SPAG16: variants seen among roughly 807,000 people sequenced by gnomAD.
SPAG16 encodes sperm associated antigen 16.
In SPAG16, 86 loss-of-function variants were observed where a neutral mutation model predicts 80.4. The ratio of observed to expected loss-of-function variants is 1.07; its 90% CI spans 0.90 to 1.28. The LOEUF is 1.28. Ranked by LOEUF, SPAG16 falls within the 50% of genes most tolerant of loss-of-function variation. The probability of loss-of-function intolerance (pLI) is 0.00; values close to 1 mark genes in which losing one functional copy is unlikely to be tolerated. For synonymous variants in SPAG16, 294 were observed against 265.9 expected, an observed-to-expected ratio of 1.11 and a Z score of -1.03; for missense variants, 870 against 765.3, an observed-to-expected ratio of 1.14 and a Z score of -1.61.
chr2:213,805,852 G>A (rs1484530425), intron 10 of SPAG16, among the ~76,000 whole-genome samples: 1 of 152,140 alleles, frequency 6.6e-6, no homozygotes, highest in Non-Finnish European at 1.5e-5. Flanking sequence ...ATATAGCAAT[G>A]GTTGTTATAA....
chr2:214,410,047 A>C (rs1017914239), intron 15 of SPAG16, 93 bp from the exon 16 acceptor site: 1 of 1,415,350 alleles, frequency 7.1e-7, no homozygotes, highest in African/African-American at 1.4e-5. Flanking sequence ...ATGATAATTG[A>C]AAAAAATAGA....
chr2:213,419,792 G>C (rs2069482269), intron 9 of SPAG16, among the ~76,000 whole-genome samples: 1 of 152,160 alleles, frequency 6.6e-6, no homozygotes, highest in Non-Finnish European at 1.5e-5. Flanking sequence ...AAAAGGACAT[G>C]TTAAAAATAA....
intron 9 of SPAG16, among the ~76,000 whole-genome samples, chr2:213,430,124 T>A (rs2070198558): frequency 6.6e-6 from 1 of 152,162 alleles, no homozygotes; most frequent in Admixed American, 6.5e-5. Context: ...ATGAGAAATT[T>A]ACCAAGGAGA....
chr2:213,865,040 T>C (rs2105960040), intron 11 of SPAG16, among the ~76,000 whole-genome samples: 1 of 152,122 alleles, frequency 6.6e-6, no homozygotes, highest in African/African-American at 2.4e-5. Context: ...AATGTAATAA[T>C]CAGAATCAAA....
intron 12 of SPAG16, among the ~76,000 whole-genome samples, chr2:213,938,105 AT>A (rs1374355444): frequency 6.8e-6 from 1 of 147,746 alleles, no homozygotes; most frequent in African/African-American, 2.5e-5. Flanking sequence ...ATAAAAGCGA[AT>A]ATATATATAT....
intron 15 of SPAG16, among the ~76,000 whole-genome samples, chr2:214,398,211 T>C (rs540293595): frequency 3.9e-5 from 6 of 152,310 alleles, no homozygotes; most frequent in African/African-American, 1.2e-4. Context: ...ATAACATCAT[T>C]CCAACCTCTT....
intron 10 of SPAG16, among the ~76,000 whole-genome samples, chr2:213,712,718 A>G (rs2066055030): frequency 6.6e-6 from 1 of 152,196 alleles, no homozygotes; most frequent in African/African-American, 2.4e-5. Flanking sequence ...GACCATACTG[A>G]GAACTTACTT....
chr2:213,764,684 G>A (rs1433599521), intron 10 of SPAG16, among the ~76,000 whole-genome samples: 1 of 152,034 alleles, frequency 6.6e-6, no homozygotes, highest in Non-Finnish European at 1.5e-5. Context: ...CTACTACTGA[G>A]AGAACATGAT....
At position 213,997,473 on chromosome 2, in the gene SPAG16, A is replaced by G. The variant is rs554397461; in HGVS notation, c.1401-16478A>G. 1.2e-4 allele frequency among the ~76,000 whole-genome samples: 18 copies of G among 152,336 alleles called. No individual in the cohort carries two copies. The South Asian group carries it at 3.5e-3, about 30-fold the overall frequency. ...TGTATAAAGTCATTTCTGACATATC[A>G]TGGCAGCAAAAACATGATAAATAAA... On this transcript the variant is annotated intron_variant, in intron 12 of 15. Coordinates refer to ENST00000331683, the MANE Select transcript of SPAG16 (RefSeq NM_024532.5).
rs7562291 is a variant in SPAG16, at chr2:214,054,008, T to G, written c.1527+39931T>G. On this transcript the variant is annotated intron_variant, in intron 13 of 15. Coordinates refer to ENST00000331683, the MANE Select transcript of SPAG16 (RefSeq NM_024532.5). ...CACTCACCCCCACTCCCTTTTTTTT[T>G]AAAAACGGAGTCTCCCTCTTGTTGC... Among the ~76,000 whole-genome samples the G allele has an allele frequency of 2.6e-5, 4 of 152,036 alleles. No individual in the cohort carries two copies. In the South Asian group the frequency reaches 6.2e-4, roughly 24 times the overall value.
intron 15 of SPAG16, among the ~76,000 whole-genome samples, chr2:214,201,124 T>C (rs898161322): frequency 6.6e-6 from 1 of 152,118 alleles, no homozygotes; most frequent in Non-Finnish European, 1.5e-5. Flanking sequence ...TAACTGTAAA[T>C]GTCTCTTTTT....
In SPAG16 at chr2:214,187,283, C is replaced by T. The variant is rs569075601; in HGVS notation, c.1720+38017C>T. Among the ~76,000 whole-genome samples the T allele has an allele frequency of 1.7e-4, 26 of 152,194 alleles. 2 individuals are homozygous for T. The South Asian group carries it at 5.4e-3, about 32-fold the overall frequency. Reference sequence around the variant, plus strand: ...GTAATCTCTTGTTTCAAATACTTCTCAATTATTCTTTCACTTTTGTCTAGG... The same window carrying T: ...GTAATCTCTTGTTTCAAATACTTCTTAATTATTCTTTCACTTTTGTCTAGG... On this transcript the variant is annotated intron_variant, in intron 15 of 15. Coordinates refer to ENST00000331683, the MANE Select transcript of SPAG16 (RefSeq NM_024532.5).
At chr2:213,340,296 T>C in intron 6 of SPAG16, 26 bp downstream of exon 6, 2 of 1,422,752 alleles carry the variant, frequency 1.4e-6, no homozygotes, top group Non-Finnish European at 2.0e-6. Flanking sequence ...TTGGCATATT[T>C]ATTAAAGAGT....
chr2:214,013,873 T>A (rs772512126), intron 12 of SPAG16, 78 bp from the exon 13 acceptor site: 117 of 1,398,170 alleles, frequency 8.4e-5, no homozygotes, highest in Non-Finnish European at 1.1e-4. Context: ...ATGCCTCAGT[T>A]CCTTAAATTA....
intron 5 of SPAG16, among the ~76,000 whole-genome samples, chr2:213,318,138 G>A (rs529962312): frequency 8.6e-5 from 13 of 151,916 alleles, no homozygotes; most frequent in African/African-American, 2.7e-4. Context: ...TTGTGGTTTT[G>A]ACTTCAGTCC....
intron 10 of SPAG16, among the ~76,000 whole-genome samples, chr2:213,841,809 T>C (rs2074376891): frequency 6.6e-6 from 1 of 152,132 alleles, no homozygotes; most frequent in African/African-American, 2.4e-5. Flanking sequence ...GGCTTACACC[T>C]AGTGGCACAA....
chr2:214,069,107 T>G (rs996148311), intron 13 of SPAG16, among the ~76,000 whole-genome samples: 1 of 152,128 alleles, frequency 6.6e-6, no homozygotes, highest in Non-Finnish European at 1.5e-5. Flanking sequence ...TTCCACAAAT[T>G]TTCTGTGTGA....
At chr2:214,141,501 T>A (rs1359920387) in intron 14 of SPAG16, among the ~76,000 whole-genome samples, 2 of 152,056 alleles carry the variant, frequency 1.3e-5, no homozygotes, top group Non-Finnish European at 1.5e-5. Context: ...ACTGATTTTT[T>A]AAATATTTGT....
intron 14 of SPAG16, among the ~76,000 whole-genome samples, chr2:214,129,501 C>A (rs755174629): frequency 2.6e-5 from 4 of 152,000 alleles, no homozygotes; most frequent in African/African-American, 4.8e-5. Context: ...GACTGGAAGT[C>A]TTTTTTAGCA....
Sources: gnomAD v4.1 joint callset for allele counts (sites outside exome capture counted in the v4.1 genomes callset) on GRCh38, gnomAD v4.1.1 for gene constraint, MANE v1.5 for transcripts, NCBI Gene and HGNC (gene_info 2026-07-23, HGNC 2026-07-21) for gene names.